CWF19L2: variants seen among roughly 807,000 people sequenced by gnomAD.
The protein encoded by CWF19L2 is CWF19-like protein 2.
CWF19L2 carries 98 observed loss-of-function variants against 111.7 expected under a neutral mutation model. The observed-to-expected ratio is 0.88, with a 90% CI of 0.75 to 1.04. The LOEUF is 1.04. Ranked by LOEUF, CWF19L2 falls within the 50% of genes least tolerant of loss-of-function variation. The probability of loss-of-function intolerance (pLI) is 0.00; values close to 1 mark genes in which losing one functional copy is unlikely to be tolerated. For missense variants in CWF19L2, 1,101 were observed against 1,051.4 expected, an observed-to-expected ratio of 1.05 and a Z score of -0.65; for synonymous variants, 351 against 342.9, an observed-to-expected ratio of 1.02 and a Z score of -0.26.
At chr11:107,354,491 G>A (rs1255183636) in intron 12 of CWF19L2, among the ~76,000 whole-genome samples, 1 of 151,998 alleles carries the variant, frequency 6.6e-6, no homozygotes, top group Admixed American at 6.5e-5. Flanking sequence ...CAAATGCTTG[G>A]GACCAGAAGA....
chr11:107,382,125 G>A (rs1189642421), intron 12 of CWF19L2, among the ~76,000 whole-genome samples: 9 of 152,106 alleles, frequency 5.9e-5, no homozygotes, highest in African/African-American at 1.9e-4. Context: ...TAACACTGAC[G>A]TCTTAAATTT....
chr11:107,387,550 A>T (rs1860788671), intron 12 of CWF19L2, among the ~76,000 whole-genome samples: 1 of 152,080 alleles, frequency 6.6e-6, no homozygotes, highest in Non-Finnish European at 1.5e-5. Flanking sequence ...ACACTACCTC[A>T]GCAGTCCCCA....
At chr11:107,346,913 A>G (rs1275637529) in intron 14 of CWF19L2, among the ~76,000 whole-genome samples, 1 of 152,200 alleles carries the variant, frequency 6.6e-6, no homozygotes, top group East Asian at 1.9e-4. Context: ...AAAAAGACCT[A>G]AAGGTACTAA....
At chr11:107,339,557 T>C (rs1859974577) in intron 14 of CWF19L2, among the ~76,000 whole-genome samples, 1 of 152,178 alleles carries the variant, frequency 6.6e-6, no homozygotes, top group Admixed American at 6.5e-5. Flanking sequence ...TGATTTTAAT[T>C]TGCATTTTCC....
At chr11:107,443,230 C>G (rs1861656441) in intron 3 of CWF19L2, among the ~76,000 whole-genome samples, 181 bp from the exon 4 acceptor site, 1 of 152,106 alleles carries the variant, frequency 6.6e-6, no homozygotes, top group Non-Finnish European at 1.5e-5. Context: ...CCTGTAATCT[C>G]AGCACTTTGG....
chr11:107,326,874 G>A lies in CWF19L2; in HGVS notation c.*36C>T, dbSNP rs947904405. On this transcript the variant is annotated 3_prime_UTR_variant, in exon 18 of 18. Coordinates refer to ENST00000282251, the MANE Select transcript of CWF19L2 (RefSeq NM_152434.3). ...GATGCAATGGAAATAAAACTGAACG[G>A]GATCTGAAGAAAAATTTTAAAATGG... The A allele has an allele frequency of 1.3e-6, 2 of 1,538,020 alleles. No individual in the cohort carries two copies. The highest frequency in any genetic ancestry group is 1.8e-6 in the Non-Finnish European group (2 of 1,142,302).
At chr11:107,351,864 A>T (rs1860160670) in intron 13 of CWF19L2, among the ~76,000 whole-genome samples, 1 of 152,210 alleles carries the variant, frequency 6.6e-6, no homozygotes, top group South Asian at 2.1e-4. Flanking sequence ...CATGTGAAGA[A>T]GCCTATGCTA....
intron 12 of CWF19L2, among the ~76,000 whole-genome samples, chr11:107,384,915 C>T (rs1426232044): frequency 1.3e-5 from 2 of 151,988 alleles, no homozygotes; most frequent in African/African-American, 4.8e-5. Context: ...TAAAAAGAAA[C>T]ATAGGATAAT....
intron 12 of CWF19L2, among the ~76,000 whole-genome samples, chr11:107,360,392 G>A (rs1215123584): frequency 6.6e-6 from 1 of 152,202 alleles, no homozygotes; most frequent in Non-Finnish European, 1.5e-5. Flanking sequence ...TCCACTGATA[G>A]ACACAGGTTG....
chr11:107,397,205 T>A (rs1446815751), intron 10 of CWF19L2, among the ~76,000 whole-genome samples: 1 of 152,082 alleles, frequency 6.6e-6, no homozygotes, highest in African/African-American at 2.4e-5. Flanking sequence ...GCGTACAGAC[T>A]TCACAGGCAG....
chr11:107,391,485 C>T (rs1408342433), intron 11 of CWF19L2, among the ~76,000 whole-genome samples: 2 of 152,308 alleles, frequency 1.3e-5, no homozygotes, highest in East Asian at 3.9e-4. Flanking sequence ...GTCTATGTTA[C>T]AGTAGCCTGA....
In CWF19L2 at chr11:107,350,279, A is replaced by G. The variant is rs1258803447; in HGVS notation, c.2086-1226T>C. Among the ~76,000 whole-genome samples, 3 of 152,128 alleles carry G rather than the reference A, an allele frequency of 2.0e-5. No individual in the cohort carries two copies. In the East Asian group the frequency reaches 5.8e-4, roughly 29 times the overall value. On this transcript the variant is annotated intron_variant, in intron 13 of 17. Coordinates refer to ENST00000282251, the MANE Select transcript of CWF19L2 (RefSeq NM_152434.3). ...GGAATCAACAATGTGCAGGGACACAAATCCCTACCCATAAGGAGCTTATGG... is the reference window on the plus strand; with the variant it reads ...GGAATCAACAATGTGCAGGGACACAGATCCCTACCCATAAGGAGCTTATGG...
In CWF19L2 at chr11:107,340,476, T is replaced by C. The variant is rs190569482; in HGVS notation, c.2203-3763A>G. ...CTTTGTCAAATTCAGTTGAGAATAT[T>C]TGGTTGTGTCTATTTCTGGGTTGTC... On this transcript the variant is annotated intron_variant, in intron 14 of 17. Transcript: ENST00000282251. 5.3e-5 allele frequency among the ~76,000 whole-genome samples: 8 copies of C among 152,306 alleles called. No individual in the cohort carries two copies. In the East Asian group the frequency reaches 1.5e-3, roughly 29 times the overall value.
chr11:107,351,611 GCAA>G (rs1018619810), intron 13 of CWF19L2, among the ~76,000 whole-genome samples: 21 of 152,300 alleles, frequency 1.4e-4, no homozygotes, highest in South Asian at 4.1e-4. Context: ...GAGAGTGTAA[GCAA>G]AAATTCTAAA....
intron 3 of CWF19L2, among the ~76,000 whole-genome samples, chr11:107,453,591 T>C (rs1861810028): frequency 6.6e-6 from 1 of 151,598 alleles, no homozygotes; most frequent in Non-Finnish European, 1.5e-5. Flanking sequence ...TGGATTCAGG[T>C]GAGACTCAGC....
At position 107,384,373 on chromosome 11, in the gene CWF19L2, T is replaced by C. The variant is rs116752184; in HGVS notation, c.1872+5701A>G. On this transcript the variant is annotated intron_variant, in intron 12 of 17. Transcript: ENST00000282251. Reference sequence around the variant, plus strand: ...AATTCATTTATGATTCATACATACCTAATACATATAGCCTGAAGGTAATTT... The same window carrying C: ...AATTCATTTATGATTCATACATACCCAATACATATAGCCTGAAGGTAATTT... 5.1e-3 allele frequency among the ~76,000 whole-genome samples: 783 copies of C among 152,318 alleles called. 7 individuals carry two copies. Among genetic ancestry groups the C allele is most frequent in the African/African-American group, 0.017 (727 of 41,566 alleles).
intron 12 of CWF19L2, among the ~76,000 whole-genome samples, chr11:107,361,796 C>T (rs981718379): frequency 1.3e-5 from 2 of 152,110 alleles, no homozygotes; most frequent in Non-Finnish European, 2.9e-5. Context: ...TATAGAAATG[C>T]TACTGGAAGA....
intron 16 of CWF19L2, among the ~76,000 whole-genome samples, chr11:107,331,973 T>C (rs1313649018): frequency 6.6e-6 from 1 of 152,198 alleles, no homozygotes; most frequent in Non-Finnish European, 1.5e-5. Flanking sequence ...GGAAATGCAT[T>C]TGGAACTCTG....
At chr11:107,368,766 G>C (rs930266206) in intron 12 of CWF19L2, among the ~76,000 whole-genome samples, 1 of 138,070 alleles carries the variant, frequency 7.2e-6, no homozygotes. Context: ...TTCCCGAACA[G>C]TGTTATAAGC....
Sources: gnomAD v4.1 joint callset for allele counts (sites outside exome capture counted in the v4.1 genomes callset) on GRCh38, gnomAD v4.1.1 for gene constraint, MANE v1.5 for transcripts, NCBI Gene and HGNC (gene_info 2026-07-23, HGNC 2026-07-21) for gene names.